The following TMEM50B variants were observed in gnomAD, a reference collection of about 807,000 sequenced individuals.
The protein encoded by TMEM50B is transmembrane protein 50B.
TMEM50B carries 14 observed loss-of-function variants against 23.4 expected under a neutral mutation model. That is an observed-to-expected ratio of 0.60 (90% CI 0.39 to 0.93). The LOEUF is 0.93. Ranked by LOEUF, TMEM50B falls within the 40% of genes least tolerant of loss-of-function variation. TMEM50B has a pLI of 0.00. For synonymous variants in TMEM50B, 64 were observed against 62.3 expected (o/e 1.03, Z -0.13); for missense variants, 159 against 193.0 (o/e 0.82, Z 1.04).
downstream of TMEM50B, among the ~76,000 whole-genome samples, chr21:33,447,873 T>C (rs1489195356): frequency 3.9e-5 from 6 of 152,228 alleles, no homozygotes; most frequent in East Asian, 7.7e-4. Flanking sequence ...ACTGAATCTA[T>C]GTGACAGCTT....
intron 1 of TMEM50B, among the ~76,000 whole-genome samples, chr21:33,476,416 A>G (rs966693627): frequency 2.0e-5 from 3 of 152,126 alleles, no homozygotes; most frequent in Non-Finnish European, 4.4e-5. Flanking sequence ...GGAATCTTAG[A>G]AATGCATTTA....
At chr21:33,446,742 T>C (rs9976985), downstream of TMEM50B, among the ~76,000 whole-genome samples, 138,822 of 150,658 alleles carry the variant, frequency 0.92, 64,090 homozygotes, top group East Asian at 1. Flanking sequence ...AGTGTGGTGA[T>C]TTGCACCTCT....
chr21:33,475,824 C>T (rs11910484), intron 1 of TMEM50B, among the ~76,000 whole-genome samples: 221 of 152,094 alleles, frequency 1.5e-3, no homozygotes, highest in African/African-American at 5.1e-3. Context: ...CGTGGTGGCA[C>T]GCACCTGTAG....
downstream of TMEM50B, among the ~76,000 whole-genome samples, chr21:33,444,817 A>AAAAAAAAAG (rs1271815428): frequency 6.6e-6 from 1 of 150,494 alleles, no homozygotes; most frequent in African/African-American, 2.4e-5. Flanking sequence ...AAAAAAAAAA[A>AAAAAAAAAG]AAAGAAAGAA....
chr21:33,433,525 T>C (rs1403590407), intron 8 of TMEM50B, among the ~76,000 whole-genome samples: 1 of 152,172 alleles, frequency 6.6e-6, no homozygotes, highest in Non-Finnish European at 1.5e-5. Context: ...AAAAGGATAC[T>C]GTCTGCTTCC....
At chr21:33,432,678 A>C in exon 9 of TMEM50B, 1 of 1,609,648 alleles carries the variant, frequency 6.2e-7, no homozygotes, top group Non-Finnish European at 8.5e-7. Context: ...TGTGCGTAGG[A>C]AGATCATTCT....
At chr21:33,476,709 C>T (rs1016023367) in intron 1 of TMEM50B, among the ~76,000 whole-genome samples, 2 of 129,372 alleles carry the variant, frequency 1.5e-5, no homozygotes, top group Admixed American at 9.2e-5. Context: ...TGCAGTGAGC[C>T]GAGATCGCAC....
At chr21:33,452,476 G>A (rs1182990373) in intron 6 of TMEM50B, among the ~76,000 whole-genome samples, 1 of 152,104 alleles carries the variant, frequency 6.6e-6, no homozygotes, top group Admixed American at 6.6e-5. Context: ...ACATGTCCCA[G>A]AGCTACCACA....
intron 7 of TMEM50B, among the ~76,000 whole-genome samples, chr21:33,441,361 T>C (rs1301532885): frequency 6.6e-6 from 1 of 151,984 alleles, no homozygotes; most frequent in African/African-American, 2.4e-5. Context: ...GGGAATAGGG[T>C]ATTACAAGGG....
rs549928622 is a variant in TMEM50B, at chr21:33,443,440, T to C, written c.*2037-4143A>G. 3.1e-3 allele frequency among the ~76,000 whole-genome samples: 470 copies of C among 152,262 alleles called. 2 individuals carry two copies. Among genetic ancestry groups the C allele is most frequent in the Admixed American group, 3.9e-3 (60 of 15,282 alleles). On this transcript the variant is annotated intron_variant and NMD_transcript_variant, in intron 7 of 8. Coordinates refer to the TMEM50B transcript ENST00000420455. The stretch of plus-strand genomic sequence containing the variant: ...GCACCGCACAACCCCACAGGTGCTG[T>C]TGACCTAAACAGAACACAAAGGCAC...
intron 1 of TMEM50B, among the ~76,000 whole-genome samples, chr21:33,476,444 T>C (rs1426118932): frequency 6.6e-6 from 1 of 152,152 alleles, no homozygotes; most frequent in African/African-American, 2.4e-5. Context: ...TAGATTTAGC[T>C]ACTGCTTTTA....
intron 8 of TMEM50B, among the ~76,000 whole-genome samples, chr21:33,434,161 T>C (rs868389301): frequency 5.3e-5 from 8 of 152,154 alleles, no homozygotes; most frequent in Non-Finnish European, 7.4e-5. Context: ...TGTGAGGCCA[T>C]TGGGCCTTCT....
At chr21:33,433,902 C>T (rs944072244) in intron 8 of TMEM50B, among the ~76,000 whole-genome samples, 2 of 151,864 alleles carry the variant, frequency 1.3e-5, no homozygotes, top group African/African-American at 2.4e-5. Flanking sequence ...GGAGAATGCT[C>T]CAGGGAAGTG....
chr21:33,460,772 CT>C (rs2084210797), intron 4 of TMEM50B, among the ~76,000 whole-genome samples: 1 of 152,042 alleles, frequency 6.6e-6, no homozygotes, highest in Admixed American at 6.6e-5. Context: ...AAAAATTACA[CT>C]GTTGTATATA....
chr21:33,438,582 G>T (rs2083979350), intron 8 of TMEM50B, among the ~76,000 whole-genome samples: 1 of 152,112 alleles, frequency 6.6e-6, no homozygotes, highest in Non-Finnish European at 1.5e-5. Context: ...CAGATCACCT[G>T]AGGTCAGGAG....
At chr21:33,443,533 A>T (rs1471515451) in intron 7 of TMEM50B, among the ~76,000 whole-genome samples, 1 of 152,226 alleles carries the variant, frequency 6.6e-6, no homozygotes, top group Non-Finnish European at 1.5e-5. Context: ...CAGAAGACAA[A>T]GACTGAAGAA....
At chr21:33,479,492 A>G (rs1008468757) in intron 1 of TMEM50B, 2 of 152,218 alleles carry the variant, frequency 1.3e-5, no homozygotes, top group Non-Finnish European at 2.9e-5. Flanking sequence ...CCGCGCGAGA[A>G]GGTGAAAGGC....
At position 33,476,481 on chromosome 21, in the gene TMEM50B, A is replaced by G. The variant is rs150238214; in HGVS notation, c.-42+3357T>C. ...ATTATAAAATCTTTTAAGTTATAAC[A>G]TCAGGCGTGGTGGCTCACACCTGTA... is the stretch of plus-strand genomic sequence containing the variant. On this transcript the variant is annotated intron_variant, in intron 1 of 6. Coordinates refer to ENST00000542230, the MANE Select transcript of TMEM50B (RefSeq NM_006134.7). Among the ~76,000 whole-genome samples the G allele has an allele frequency of 4.1e-4, 63 of 152,210 alleles. No individual in the cohort carries two copies. The East Asian group carries it at 0.011, about 27-fold the overall frequency.
At chr21:33,455,867 A>G (rs191275730) in intron 5 of TMEM50B, 83 bp from the exon 6 acceptor site, 22 of 943,782 alleles carry the variant, frequency 2.3e-5, no homozygotes, top group Non-Finnish European at 3.8e-5. Flanking sequence ...ATAATGATAC[A>G]TTTTGTATAT....
Sources: gnomAD v4.1 joint callset for allele counts (sites outside exome capture counted in the v4.1 genomes callset) on GRCh38, gnomAD v4.1.1 for gene constraint, MANE v1.5 for transcripts, NCBI Gene and HGNC (gene_info 2026-07-23, HGNC 2026-07-21) for gene names.